Variants in DDAH1 observed in about 807,000 individuals in gnomAD.
The protein encoded by DDAH1 is dimethylarginine dimethylaminohydrolase 1.
Under a neutral mutation model 28.8 loss-of-function variants are expected in DDAH1, and 19 were observed. That is an observed-to-expected ratio of 0.66 (90% CI 0.46 to 0.97). The LOEUF (loss-of-function observed/expected upper bound fraction) is 0.97. Ranked by LOEUF, DDAH1 falls within the 50% of genes least tolerant of loss-of-function variation. The probability of loss-of-function intolerance (pLI) is 0.00; values close to 1 mark genes in which losing one functional copy is unlikely to be tolerated. For synonymous variants in DDAH1, 153 were observed against 154.4 expected, an observed-to-expected ratio of 0.99 and a Z score of 0.07; for missense variants, 326 against 375.9, an observed-to-expected ratio of 0.87 and a Z score of 1.10.
intron 1 of DDAH1, among the ~76,000 whole-genome samples, chr1:85,402,828 G>C (rs1652204378): frequency 6.7e-6 from 1 of 149,222 alleles, no homozygotes; most frequent in Non-Finnish European, 1.5e-5. Context: ...AGAATGGCGT[G>C]AACCCGGGAG....
At position 85,373,976 on chromosome 1, in the gene DDAH1, A is replaced by G. The variant is rs944925258; in HGVS notation, c.304-15129T>C. ...AGTTAAGAGATACTTGGGACCCCAAAGCCTGAATATTTAAAACTTCATCTA... is the reference window on the plus strand; with the variant it reads ...AGTTAAGAGATACTTGGGACCCCAAGGCCTGAATATTTAAAACTTCATCTA... On this transcript the variant is annotated intron_variant, in intron 1 of 5. Coordinates refer to ENST00000284031, the MANE Select transcript of DDAH1 (RefSeq NM_012137.4). Among the ~76,000 whole-genome samples the G allele has an allele frequency of 2.0e-5, 3 of 152,134 alleles. No individual in the cohort carries two copies. The East Asian group carries it at 5.8e-4, about 29-fold the overall frequency.
chr1:85,406,138 G>A (rs537839930), intron 1 of DDAH1, among the ~76,000 whole-genome samples: 1 of 152,262 alleles, frequency 6.6e-6, no homozygotes, highest in East Asian at 1.9e-4. Flanking sequence ...GGAGTAATTT[G>A]TTCAAGGCCA....
At chr1:85,360,247 C>T (rs1649715686) in intron 1 of DDAH1, among the ~76,000 whole-genome samples, 1 of 152,190 alleles carries the variant, frequency 6.6e-6, no homozygotes, top group Non-Finnish European at 1.5e-5. Flanking sequence ...TATATCATCT[C>T]ATCCTTGTCC....
At chr1:85,385,444 T>A (rs1452843755) in intron 1 of DDAH1, among the ~76,000 whole-genome samples, 1 of 152,244 alleles carries the variant, frequency 6.6e-6, no homozygotes, top group South Asian at 2.1e-4. Flanking sequence ...AACCTCATTT[T>A]AACACATATT....
chr1:85,544,078 C>G (rs1658548721), intron 1 of DDAH1, among the ~76,000 whole-genome samples: 1 of 152,190 alleles, frequency 6.6e-6, no homozygotes, highest in Non-Finnish European at 1.5e-5. Context: ...TTCAAGAATG[C>G]ATTATGCACT....
chr1:85,463,274 GAATAA>G (rs1271702048), intron 1 of DDAH1, among the ~76,000 whole-genome samples: 1 of 152,174 alleles, frequency 6.6e-6, no homozygotes, highest in African/African-American at 2.4e-5. Context: ...TTTATTATAG[GAATAA>G]AATGAAATGG....
At chr1:85,437,433 C>T (rs1437735692) in intron 1 of DDAH1, among the ~76,000 whole-genome samples, 1 of 152,112 alleles carries the variant, frequency 6.6e-6, no homozygotes, top group African/African-American at 2.4e-5. Context: ...ATCGACCCCT[C>T]CTCTTCCTTC....
intron 1 of DDAH1, among the ~76,000 whole-genome samples, chr1:85,498,873 G>GATC (rs1454544308): frequency 2.0e-5 from 3 of 152,092 alleles, no homozygotes; most frequent in Non-Finnish European, 4.4e-5. Flanking sequence ...AGTGAACAGA[G>GATC]ATCACGCCAC....
intron 1 of DDAH1, among the ~76,000 whole-genome samples, chr1:85,391,886 G>A (rs1345897378): frequency 2.0e-5 from 3 of 152,200 alleles, no homozygotes; most frequent in Admixed American, 2.0e-4. Context: ...TCTACCCTCT[G>A]ATAAACTCCA....
chr1:85,476,187 T>G (rs916873611), intron 2 of DDAH1, among the ~76,000 whole-genome samples: 1 of 152,212 alleles, frequency 6.6e-6, no homozygotes, highest in South Asian at 2.1e-4. Context: ...CACGCTTCTT[T>G]ATTTTGCCCT....
At chr1:85,479,084 A>G (rs1361414856) in intron 2 of DDAH1, among the ~76,000 whole-genome samples, 2 of 151,294 alleles carry the variant, frequency 1.3e-5, no homozygotes, top group East Asian at 1.9e-4. Flanking sequence ...TTGATTTGCT[A>G]TAGCCCAAGA....
At position 85,523,066 on chromosome 1, in the gene DDAH1, C is replaced by T. The variant is rs1413053818; in HGVS notation, c.-122-26785G>A. On this transcript the variant is annotated intron_variant, in intron 1 of 6. Transcript: ENST00000426972. Reference sequence around the variant, plus strand: ...TAACAGCTGTTGGGGGTGGGATGCACGAGGAGTTGCAGGGATACCAACACC... The same window carrying T: ...TAACAGCTGTTGGGGGTGGGATGCATGAGGAGTTGCAGGGATACCAACACC... 5.3e-5 allele frequency among the ~76,000 whole-genome samples: 8 copies of T among 151,058 alleles called. No individual in the cohort carries two copies. In the South Asian group the frequency reaches 6.4e-4, roughly 12 times the overall value.
At chr1:85,480,518 G>A (rs1442725806) in intron 2 of DDAH1, among the ~76,000 whole-genome samples, 5 of 152,108 alleles carry the variant, frequency 3.3e-5, no homozygotes, top group Non-Finnish European at 7.4e-5. Context: ...GCTGAAGCTG[G>A]CGGATCACCT....
At chr1:85,410,637 C>CAAAAAA (rs10630765) in intron 1 of DDAH1, among the ~76,000 whole-genome samples, 2 of 142,248 alleles carry the variant, frequency 1.4e-5, no homozygotes, top group African/African-American at 2.6e-5. Flanking sequence ...AGCTCTGCCT[C>CAAAAAA]AAAAAAAAAA....
intron 1 of DDAH1, among the ~76,000 whole-genome samples, chr1:85,457,461 A>T (rs686166): frequency 6.6e-6 from 1 of 152,218 alleles, no homozygotes; most frequent in East Asian, 1.9e-4. Context: ...GGACTGTGAC[A>T]TCCTCAGGGG....
intron 1 of DDAH1, among the ~76,000 whole-genome samples, chr1:85,515,917 G>T (rs1454696420): frequency 6.6e-6 from 1 of 152,172 alleles, no homozygotes. Flanking sequence ...GAGAACAGAC[G>T]GCTAAGATCA....
intron 1 of DDAH1, among the ~76,000 whole-genome samples, chr1:85,397,622 T>C (rs1054715835): frequency 5.3e-5 from 8 of 152,208 alleles, no homozygotes; most frequent in African/African-American, 1.4e-4. Context: ...TCTTTCTCCT[T>C]AATATGATTA....
intron 1 of DDAH1, among the ~76,000 whole-genome samples, chr1:85,574,557 C>T (rs147814281): frequency 6.6e-6 from 1 of 152,318 alleles, no homozygotes; most frequent in African/African-American, 2.4e-5. Context: ...TTCCCCCTAA[C>T]TCCTCTCAGG....
intron 5 of DDAH1, among the ~76,000 whole-genome samples, chr1:85,323,758 C>G (rs1486496464): frequency 1.3e-5 from 2 of 151,652 alleles, no homozygotes; most frequent in Non-Finnish European, 2.9e-5. Flanking sequence ...ATCCTTTAAG[C>G]CCAGGAGTTT....
Sources: allele counts gnomAD v4.1 joint callset (sites outside exome capture counted in the v4.1 genomes callset), GRCh38; gene constraint gnomAD v4.1.1; transcripts MANE v1.5; gene names NCBI Gene and HGNC (gene_info 2026-07-23, HGNC 2026-07-21).